Variants in NALCN observed in about 807,000 individuals in gnomAD.
The protein encoded by NALCN is sodium leak channel, non-selective, also known as sodium leak channel NALCN.
A neutral mutation model predicts 225.3 loss-of-function variants in NALCN; 111 were observed. The ratio of observed to expected loss-of-function variants is 0.49; its 90% CI spans 0.42 to 0.58. The LOEUF is 0.58. Ranked by LOEUF, NALCN falls within the 20% of genes least tolerant of loss-of-function variation. The pLI, the probability that NALCN is intolerant of heterozygous loss-of-function variation, is 0.00. For synonymous variants in NALCN, 764 were observed against 769.0 expected (o/e 0.99, Z 0.11); for missense variants, 1,378 against 2,202.4 (o/e 0.63, Z 7.49).
chr13:101,278,067 A>G (rs1048018252), intron 10 of NALCN, among the ~76,000 whole-genome samples: 1 of 152,222 alleles, frequency 6.6e-6, no homozygotes, highest in Non-Finnish European at 1.5e-5. Flanking sequence ...AACAAAATCA[A>G]CAGTTCCCAG....
chr13:101,318,185 C>T (rs1042987687), intron 7 of NALCN, among the ~76,000 whole-genome samples: 1 of 152,182 alleles, frequency 6.6e-6, no homozygotes, highest in African/African-American at 2.4e-5. Flanking sequence ...TTCTGCCCAC[C>T]CGGCCTGGCA....
intron 14 of NALCN, among the ~76,000 whole-genome samples, chr13:101,188,445 A>G (rs2039536199): frequency 6.6e-6 from 1 of 152,150 alleles, no homozygotes; most frequent in Non-Finnish European, 1.5e-5. Context: ...GATGGCCATC[A>G]GTTGACTGGA....
Position 101,345,182 on chromosome 13 carries a change from T to G in NALCN, c.799+84A>C. On this transcript the variant is annotated intron_variant, in intron 7 of 43. Transcript: ENST00000251127. Reference sequence around the variant, plus strand: ...TCTATACTACAGCCAGTCAAAATATTAGTATCAATTATTTAATTATTCTGT... The same window carrying G: ...TCTATACTACAGCCAGTCAAAATATGAGTATCAATTATTTAATTATTCTGT... 2.2e-6 allele frequency: 3 copies of G among 1,358,044 alleles called. No individual in the cohort carries two copies. The Middle Eastern group carries it at 5.6e-4, about 256-fold the overall frequency. 84.1% of individuals were successfully genotyped at this position (1,358,044 alleles called of 1,614,324 possible). A position where few individuals can be genotyped will look rare whatever the true frequency, so the allele number is the denominator to read the frequency against.
At chr13:101,332,397 CAAAAAA>C (rs753158247) in intron 7 of NALCN, among the ~76,000 whole-genome samples, 2 of 57,854 alleles carry the variant, frequency 3.5e-5, no homozygotes, top group African/African-American at 7.6e-5. Flanking sequence ...TTCACAAAGC[CAAAAAA>C]AAAAAAAAAA....
At chr13:101,070,063 G>GTCTTTTT (rs2032740775) in intron 37 of NALCN, among the ~76,000 whole-genome samples, 1 of 98,314 alleles carries the variant, frequency 1.0e-5, no homozygotes, top group Non-Finnish European at 1.8e-5. Context: ...AATCATGAAT[G>GTCTTTTT]TTTTTTTTTT....
intron 28 of NALCN, 72 bp downstream of exon 28, chr13:101,095,502 T>C (rs2034453720): frequency 2.4e-6 from 3 of 1,225,124 alleles, no homozygotes; most frequent in Non-Finnish European, 3.5e-6. Context: ...TTACATGCCA[T>C]ATGATACTTA....
intron 7 of NALCN, among the ~76,000 whole-genome samples, chr13:101,326,650 C>T (rs958535733): frequency 1.3e-5 from 2 of 152,134 alleles, no homozygotes; most frequent in African/African-American, 4.8e-5. Context: ...GTCATGACCC[C>T]CCTTCTTTGG....
intron 7 of NALCN, among the ~76,000 whole-genome samples, chr13:101,301,190 T>C (rs536618437): frequency 3.3e-5 from 5 of 152,310 alleles, no homozygotes; most frequent in Admixed American, 6.5e-5. Context: ...GATGCTGACA[T>C]TGGCAGGAAA....
chr13:101,150,596 A>G (rs556976520), intron 15 of NALCN, among the ~76,000 whole-genome samples: 1 of 152,154 alleles, frequency 6.6e-6, no homozygotes, highest in Non-Finnish European at 1.5e-5. Flanking sequence ...AAAGTATTAC[A>G]TGTTATTTTG....
intron 13 of NALCN, among the ~76,000 whole-genome samples, chr13:101,225,124 C>A (rs1385083466): frequency 6.6e-6 from 1 of 152,176 alleles, no homozygotes; most frequent in Admixed American, 6.5e-5. Flanking sequence ...TAAAAAATAA[C>A]TCTTCCTATA....
rs191134329 is a variant in NALCN at position 101,205,576 on chromosome 13, C to G, written c.1627-13522G>C. ...ATAATGTTGAACTGCAACCGTCTAG[C>G]TGACAACAAACAGCTGTGAAAATGA... On this transcript the variant is annotated intron_variant, in intron 13 of 43. Transcript: ENST00000251127. 4.3e-3 allele frequency among the ~76,000 whole-genome samples: 656 copies of G among 152,236 alleles called. 3 individuals carry two copies. The highest frequency in any genetic ancestry group is 0.024 in the Middle Eastern group (7 of 294).
At chr13:101,277,362 C>T (rs1176144037) in intron 10 of NALCN, among the ~76,000 whole-genome samples, 1 of 151,998 alleles carries the variant, frequency 6.6e-6, no homozygotes, top group East Asian at 1.9e-4. Flanking sequence ...ATGATTTTAA[C>T]ATTTTAAAAT....
chr13:101,123,535 C>T (rs2139695434), intron 18 of NALCN, among the ~76,000 whole-genome samples: 1 of 152,244 alleles, frequency 6.6e-6, no homozygotes, highest in East Asian at 1.9e-4. Context: ...TTGTCTATTT[C>T]AATGAGACCT....
intron 9 of NALCN, among the ~76,000 whole-genome samples, chr13:101,290,474 A>G (rs1021741776): frequency 2.0e-5 from 3 of 152,224 alleles, no homozygotes; most frequent in Admixed American, 6.5e-5. Flanking sequence ...AGGAGAGAGG[A>G]GATGAGAACT....
At chr13:101,232,751 G>A (rs1316169593) in intron 12 of NALCN, among the ~76,000 whole-genome samples, 1 of 151,964 alleles carries the variant, frequency 6.6e-6, no homozygotes, top group African/African-American at 2.4e-5. Flanking sequence ...CGGCCATCCT[G>A]CTGTAATTCT....
intron 20 of NALCN, among the ~76,000 whole-genome samples, chr13:101,108,648 G>A (rs763599309): frequency 5.3e-5 from 8 of 152,268 alleles, no homozygotes; most frequent in Admixed American, 1.3e-4. Context: ...CAGGCCTGGC[G>A]TGTCTACATG....
intron 42 of NALCN, chr13:101,058,422 GGGGGCAGT>G: frequency 1.0e-5 from 2 of 195,554 alleles, no homozygotes; most frequent in South Asian, 9.6e-5. Flanking sequence ...CGGGCTGGGC[GGGGGCAGT>G]CTACTGTCAC....
chr13:101,314,077 C>T (rs1049063793), intron 7 of NALCN, among the ~76,000 whole-genome samples: 2 of 147,106 alleles, frequency 1.4e-5, no homozygotes, highest in African/African-American at 5.1e-5. Context: ...AATCAAACAC[C>T]GCATGTTCTC....
intron 12 of NALCN, among the ~76,000 whole-genome samples, chr13:101,234,110 C>T (rs533607107): frequency 6.6e-6 from 1 of 152,308 alleles, no homozygotes; most frequent in South Asian, 2.1e-4. Flanking sequence ...CTAAAATAGC[C>T]CCTACTACAC....
Sources: allele counts gnomAD v4.1 joint callset (sites outside exome capture counted in the v4.1 genomes callset), GRCh38; gene constraint gnomAD v4.1.1; transcripts MANE v1.5; gene names NCBI Gene and HGNC (gene_info 2026-07-23, HGNC 2026-07-21).